Variants in GCC2 observed in about 807,000 individuals in gnomAD.
GCC2 encodes GRIP and coiled-coil domain-containing protein 2.
A neutral mutation model predicts 210.6 loss-of-function variants in GCC2; 120 were observed. The observed-to-expected ratio is 0.57, with a 90% CI of 0.49 to 0.66. GCC2 has a LOEUF of 0.66. Ranked by LOEUF, GCC2 falls within the 30% of genes least tolerant of loss-of-function variation. The probability of loss-of-function intolerance (pLI) is 0.00; values close to 1 mark genes in which losing one functional copy is unlikely to be tolerated. For missense variants in GCC2, 1,868 were observed against 1,871.9 expected, an observed-to-expected ratio of 1.00 and a Z score of 0.04; for synonymous variants, 703 against 652.7, an observed-to-expected ratio of 1.08 and a Z score of -1.17.
At chr2:108,468,946 T>C (rs1681043498) in intron 4 of GCC2, 34 bp from the exon 5 acceptor site, 1 of 1,402,406 alleles carries the variant, frequency 7.1e-7, no homozygotes, top group South Asian at 1.2e-5. Flanking sequence ...CACCATTTTT[T>C]AACCCCAGGC....
intron 17 of GCC2, among the ~76,000 whole-genome samples, chr2:108,488,212 T>C (rs1682242227): frequency 6.6e-6 from 1 of 152,104 alleles, no homozygotes; most frequent in Non-Finnish European, 1.5e-5. Flanking sequence ...CGGCCTAAAA[T>C]TCTATTATGA....
chr2:108,472,902 A>G lies in GCC2; in HGVS notation c.2860+3A>G. The G allele has an allele frequency of 6.6e-7, 1 of 1,526,486 alleles. No individual in the cohort carries two copies. The allele number at this position is 1,526,486 out of a possible 1,614,324, so 94.6% of individuals were successfully genotyped here. A position where few individuals can be genotyped will look rare whatever the true frequency, so the allele number is the denominator to read the frequency against. On this transcript the variant is annotated splice_donor_region_variant and intron_variant, in intron 7 of 22. Coordinates refer to ENST00000309863, the MANE Select transcript of GCC2 (RefSeq NM_181453.4). ...AAAAGAGTTGGAAGAAAAAATAGGTAACTATGGTTTTGCAGATGTTGTCAC... is the reference window on the plus strand; with the variant it reads ...AAAAGAGTTGGAAGAAAAAATAGGTGACTATGGTTTTGCAGATGTTGTCAC...
chr2:108,480,708 C>T (rs1681807184), intron 9 of GCC2, among the ~76,000 whole-genome samples: 1 of 152,128 alleles, frequency 6.6e-6, no homozygotes, highest in South Asian at 2.1e-4. Flanking sequence ...GATGAGAACA[C>T]ATGGACACAT....
chr2:108,451,118 G>C lies in GCC2; in HGVS notation c.148+6G>C. 2 of 1,560,196 alleles carry C rather than the reference G, an allele frequency of 1.3e-6. No individual in the cohort carries two copies. The highest frequency in any genetic ancestry group is 3.3e-4 in the Middle Eastern group (2 of 5,980). On this transcript the variant is annotated splice_donor_region_variant and intron_variant, in intron 3 of 22. Coordinates refer to ENST00000309863, the MANE Select transcript of GCC2 (RefSeq NM_181453.4). ...AGCTAAATCAAGGTGTACAGGTATT[G>C]GGTTGAAAATACTCATCTTGATCAC...
At chr2:108,481,082 G>C (rs1036011183) in intron 9 of GCC2, among the ~76,000 whole-genome samples, 2 of 152,174 alleles carry the variant, frequency 1.3e-5, no homozygotes, top group Non-Finnish European at 1.5e-5. Flanking sequence ...TATTTTGGTG[G>C]ATAACCTAAT....
At chr2:108,506,783 ATTG>A (rs1189056786) in intron 22 of GCC2, among the ~76,000 whole-genome samples, 1 of 152,142 alleles carries the variant, frequency 6.6e-6, no homozygotes, top group Non-Finnish European at 1.5e-5. Context: ...TTATTTTGGT[ATTG>A]TTTAATGGAG....
Position 108,471,610 on chromosome 2 carries a change from GGTTTTCTTAAA to G in GCC2, c.2283_2293del (p.Phe762AsnfsTer10). 1 of 1,613,464 alleles carries G rather than the reference GGTTTTCTTAAA, an allele frequency of 6.2e-7. No individual in the cohort carries two copies. Among genetic ancestry groups the G allele is most frequent in the Non-Finnish European group, 8.5e-7 (1 of 1,179,594 alleles). ...GTTATTTGTTAAAACTCAGTTGTAT[GGTTTTCTTAAA>G]GAAATGGGATCAGAAGTTTCAGAAG... On this transcript the variant is annotated frameshift_variant, in exon 6 of 23. Coordinates refer to ENST00000309863, the MANE Select transcript of GCC2 (RefSeq NM_181453.4). LOFTEE classifies it high-confidence loss of function.
In GCC2 at chr2:108,469,085, G is replaced by A. The variant is rs1681051247; in HGVS notation, c.321+1G>A. ...TATAAAAATGAAGCAAGAGGTTGAG[G>A]TAAGTCAATATTTTAGTGTTCTTTT... On this transcript the variant is annotated splice_donor_variant, in intron 5 of 22. Coordinates refer to ENST00000309863, the MANE Select transcript of GCC2 (RefSeq NM_181453.4). LOFTEE classifies it high-confidence loss of function. 2.6e-6 allele frequency: 4 copies of A among 1,547,714 alleles called. No individual in the cohort carries two copies. The highest frequency in any genetic ancestry group is 3.6e-6 in the Non-Finnish European group (4 of 1,120,094).
chr2:108,454,693 TTCTC>T (rs1402423041), intron 4 of GCC2, among the ~76,000 whole-genome samples: 3 of 152,216 alleles, frequency 2.0e-5, no homozygotes, highest in Admixed American at 1.3e-4. Flanking sequence ...CTTAAATTCT[TTCTC>T]TATGATTCAG....
At chr2:108,453,310 C>T (rs1004207831) in intron 4 of GCC2, among the ~76,000 whole-genome samples, 3 of 152,172 alleles carry the variant, frequency 2.0e-5, no homozygotes, top group Admixed American at 2.0e-4. Flanking sequence ...CACCAGAGAC[C>T]TATTATAGCT....
chr2:108,477,947 G>A (rs770887276), intron 9 of GCC2, among the ~76,000 whole-genome samples: 2 of 152,156 alleles, frequency 1.3e-5, no homozygotes, highest in Admixed American at 6.5e-5. Flanking sequence ...TCTGATGGCC[G>A]AGGCACGAGA....
At position 108,470,240 on chromosome 2, in the gene GCC2, A is replaced by C; in HGVS notation, c.911A>C (p.Lys304Thr). Residue 304 changes from lysine (K) to threonine (T), a missense_variant, in exon 6 of 23, where the codon AAA becomes ACA. Lys to Thr is a moderately conservative substitution (Grantham distance 78). This residue lies in a region of GCC2 where 1,847 missense variants were observed against 1,765.2 expected (regional missense o/e 1.05). Coordinates refer to ENST00000309863, the MANE Select transcript of GCC2 (RefSeq NM_181453.4). ...GAATGTGAGTTAGAAAATTTAAGGAAAGCCACCTCAAATGCAAACCAAGAC... is the reference window on the plus strand; with the variant it reads ...GAATGTGAGTTAGAAAATTTAAGGACAGCCACCTCAAATGCAAACCAAGAC... ...KYECELENLRKATSNANQDNQ... is the reference protein window; with the variant it reads ...KYECELENLRTATSNANQDNQ... 6.2e-7 allele frequency: 1 copy of C among 1,613,466 alleles called. No individual in the cohort carries two copies. The highest frequency in any genetic ancestry group is 8.5e-7 in the Non-Finnish European group (1 of 1,179,710).
chr2:108,467,409 C>T (rs1212721607), intron 4 of GCC2, among the ~76,000 whole-genome samples: 1 of 152,144 alleles, frequency 6.6e-6, no homozygotes, highest in East Asian at 1.9e-4. Flanking sequence ...ATAGATTCTT[C>T]TAGATTTTTT....
chr2:108,494,820 TG>T (rs1282843925), intron 19 of GCC2: 1 of 152,766 alleles, frequency 6.5e-6, no homozygotes, highest in Non-Finnish European at 1.5e-5. Flanking sequence ...TTTGTTTGTT[TG>T]TTTTGTTTTT....
rs759436302 is a variant in GCC2, at chr2:108,471,540, G to C, written c.2211G>C (p.Glu737Asp). Residue 737 changes from glutamate to aspartate, a missense_variant, in exon 6 of 23, where the codon GAG becomes GAC. By Grantham distance (45) the Glu-to-Asp change is conservative (BLOSUM62 2). Transcript: ENST00000309863. ...LEKKLQLMVE[E>D]QDNLNKLLEN... is the part of the protein sequence containing the mutation. ...AGAAACTTCAGTTAATGGTTGAAGA[G>C]CAAGATAATTTAAATAAACTGCTTG... 5.0e-6 allele frequency: 8 copies of C among 1,606,720 alleles called. No individual in the cohort carries two copies. In the African/African-American group the frequency reaches 9.4e-5, roughly 19 times the overall value.
intron 4 of GCC2, chr2:108,462,560 CTTTTT>C (rs1163723057): frequency 1.1e-5 from 1 of 90,686 alleles, no homozygotes. Context: ...GACTTCGCTT[CTTTTT>C]TTTTTTTTTT....
intron 4 of GCC2, among the ~76,000 whole-genome samples, chr2:108,467,824 C>T (rs767747505): frequency 1.3e-5 from 2 of 151,994 alleles, no homozygotes; most frequent in African/African-American, 2.4e-5. Context: ...TTTGTCTAAA[C>T]GAGTTTGTAT....
intron 9 of GCC2, among the ~76,000 whole-genome samples, chr2:108,480,166 A>G (rs946360544): frequency 6.6e-6 from 1 of 152,194 alleles, no homozygotes; most frequent in Non-Finnish European, 1.5e-5. Flanking sequence ...TAAACTTTGC[A>G]AGAAAACATA....
chr2:108,449,220 A>T lies in GCC2; in HGVS notation c.-55A>T, dbSNP rs1679751765. On this transcript the variant is annotated 5_prime_UTR_variant, in exon 1 of 23. Coordinates refer to ENST00000309863, the MANE Select transcript of GCC2 (RefSeq NM_181453.4). The stretch of plus-strand genomic sequence containing the variant: ...GAGCCTACGTCAGAGGCTGGCGCAA[A>T]CAGAAGTGCAGCGGTGGCGGCGGCT... 1 of 1,536,018 alleles carries T rather than the reference A, an allele frequency of 6.5e-7. No homozygotes were observed. Among genetic ancestry groups the T allele is most frequent in the African/African-American group, 1.4e-5 (1 of 72,698 alleles).
Sources: allele counts gnomAD v4.1 joint callset (sites outside exome capture counted in the v4.1 genomes callset), GRCh38; gene constraint gnomAD v4.1.1; regional missense constraint gnomAD v4.1.1; transcripts MANE v1.5; gene names NCBI Gene and HGNC (gene_info 2026-07-23, HGNC 2026-07-21).